The following FTO variants were observed in gnomAD, a reference collection of about 807,000 sequenced individuals.
The protein encoded by FTO is FTO alpha-ketoglutarate dependent dioxygenase, also known as alpha-ketoglutarate-dependent dioxygenase FTO.
A neutral mutation model predicts 63.9 loss-of-function variants in FTO; 47 were observed. The ratio of observed to expected loss-of-function variants is 0.74; its 90% confidence interval spans 0.58 to 0.94. The LOEUF (loss-of-function observed/expected upper bound fraction) is 0.94. Among genes scored for constraint, FTO ranks in the 40% least tolerant of loss-of-function variants. The pLI, the probability that FTO is intolerant of heterozygous loss-of-function variation, is 0.00. For synonymous variants in FTO, 207 were observed against 224.4 expected (o/e 0.92, Z 0.69); for missense variants, 562 against 618.1 (o/e 0.91, Z 0.96).
intron 4 of FTO, among the ~76,000 whole-genome samples, chr16:53,852,043 C>T (rs543823222): frequency 2.0e-4 from 29 of 145,498 alleles, no homozygotes; most frequent in Middle Eastern, 3.3e-3. Flanking sequence ...ATTGCTGGAG[C>T]CCGGAAGTTT....
chr16:54,080,852 AC>A (rs1187496846), intron 8 of FTO, among the ~76,000 whole-genome samples: 5 of 152,170 alleles, frequency 3.3e-5, no homozygotes, highest in Non-Finnish European at 5.9e-5. Flanking sequence ...GTATACTTTG[AC>A]TTATGCATTG....
In FTO at chr16:54,119,315, C is replaced by A. The variant is rs2086991467; in HGVS notation, c.*7400C>A. The A allele has an allele frequency of 6.6e-6, 1 of 152,172 alleles. No individual in the cohort carries two copies. The highest frequency in any genetic ancestry group is 1.5e-5 in the Non-Finnish European group (1 of 68,034). 9.4% of individuals were successfully genotyped at this position (152,172 alleles called of 1,614,324 possible). ...GGAATTCGGCTTTCCACGTTGGAAC[C>A]AGAACAGTTAACCTTCAAACCCCCA... is the stretch of plus-strand genomic sequence containing the variant. On this transcript the variant is annotated 3_prime_UTR_variant, in exon 9 of 9. Transcript: ENST00000471389.
At chr16:53,951,678 C>T (rs2082804313) in intron 8 of FTO, among the ~76,000 whole-genome samples, 1 of 152,104 alleles carries the variant, frequency 6.6e-6, no homozygotes, top group Admixed American at 6.5e-5. Flanking sequence ...TGTTACACTG[C>T]TATGCAATAT....
chr16:54,016,686 C>T (rs540327662), intron 8 of FTO, among the ~76,000 whole-genome samples: 123 of 152,274 alleles, frequency 8.1e-4, no homozygotes, highest in African/African-American at 2.6e-3. Flanking sequence ...TTGTGCCCAA[C>T]GAAGTGGGAA....
In FTO at chr16:53,807,933, AC is replaced by A. The variant is rs563117663; in HGVS notation, c.46-2205del. ...TACTGAAAAATAGATAAATCAATTA[AC>A]CAATAGTGAATTATCCAAACTGGTT... On this transcript the variant is annotated intron_variant, in intron 1 of 8. Transcript: ENST00000471389. 6.6e-3 allele frequency among the ~76,000 whole-genome samples: 1,008 copies of A among 152,338 alleles called. 2 individuals are homozygous for A. Among genetic ancestry groups the A allele is most frequent in the Non-Finnish European group, 0.01 (699 of 68,026 alleles).
intron 1 of FTO, among the ~76,000 whole-genome samples, chr16:53,718,876 T>C (rs2075960886): frequency 6.6e-6 from 1 of 152,184 alleles, no homozygotes; most frequent in African/African-American, 2.4e-5. Context: ...GAAAGTAAGA[T>C]GGGTCAGTAT....
chr16:53,897,580 G>A (rs887007559), intron 7 of FTO, among the ~76,000 whole-genome samples: 1 of 152,302 alleles, frequency 6.6e-6, no homozygotes, highest in South Asian at 2.1e-4. Context: ...GATGTTGGGG[G>A]ATTAAGAGGT....
intron 8 of FTO, among the ~76,000 whole-genome samples, chr16:54,102,030 G>C (rs1215300245): frequency 1.3e-5 from 2 of 152,032 alleles, no homozygotes; most frequent in African/African-American, 4.8e-5. Context: ...TGGTACATTT[G>C]TTTAAGTTCT....
intron 4 of FTO, among the ~76,000 whole-genome samples, chr16:53,844,539 C>T (rs543688538): frequency 5.9e-5 from 9 of 152,068 alleles, no homozygotes; most frequent in Non-Finnish European, 1.3e-4. Flanking sequence ...TGCTCATTGC[C>T]GTTTCCACCT....
chr16:53,826,744 G>A (rs12933168), intron 3 of FTO, among the ~76,000 whole-genome samples: 116,476 of 151,462 alleles, frequency 0.77, 44,824 homozygotes, highest in African/African-American at 0.82. Flanking sequence ...ATTTTCGCAC[G>A]TAAGCACTGC....
chr16:53,842,547 C>T (rs527530322), intron 3 of FTO, among the ~76,000 whole-genome samples: 1 of 152,216 alleles, frequency 6.6e-6, no homozygotes, highest in African/African-American at 2.4e-5. Context: ...CTTGAGTATC[C>T]TTCCAGAAAT....
chr16:54,089,998 A>G (rs2086344892), intron 8 of FTO, among the ~76,000 whole-genome samples: 1 of 152,146 alleles, frequency 6.6e-6, no homozygotes, highest in Non-Finnish European at 1.5e-5. Context: ...TTACACATAG[A>G]ATTACCATGT....
intron 4 of FTO, among the ~76,000 whole-genome samples, chr16:53,866,008 C>T (rs960763448): frequency 5.3e-5 from 8 of 152,090 alleles, no homozygotes; most frequent in African/African-American, 1.2e-4. Flanking sequence ...AGTTTCATAC[C>T]GCTAAGTATG....
intron 7 of FTO, among the ~76,000 whole-genome samples, chr16:53,909,999 T>TC (rs1361636651): frequency 1.3e-5 from 2 of 152,122 alleles, no homozygotes; most frequent in African/African-American, 2.4e-5. Context: ...TGCCTCAGCC[T>TC]CCCAAATAGC....
rs78792982 is a variant in FTO at position 53,746,971 on chromosome 16, G to A, written c.45+42742G>A. On this transcript the variant is annotated intron_variant, in intron 1 of 8. Coordinates refer to ENST00000471389, the MANE Select transcript of FTO (RefSeq NM_001080432.3). ...ATGCAGTATTTGTCCTTCTGTACCT[G>A]GCTTATTTCACTTAGCATAATGTTC... Among the ~76,000 whole-genome samples the A allele has an allele frequency of 2.5e-3, 380 of 152,174 alleles. 16 individuals carry two copies. In the East Asian group the frequency reaches 0.068, roughly 27 times the overall value.
Position 54,113,811 on chromosome 16 carries a change from C to CTTTTT in FTO, c.*1907_*1911dup, listed in dbSNP as rs532852190. 1 of 132,640 alleles carries CTTTTT rather than the reference C, an allele frequency of 7.5e-6. No individual in the cohort carries two copies. The highest frequency in any genetic ancestry group is 2.7e-5 in the African/African-American group (1 of 36,782). The allele number at this position is 132,640 out of a possible 1,614,324, so 8.2% of individuals were successfully genotyped here. On this transcript the variant is annotated 3_prime_UTR_variant, in exon 9 of 9. Transcript: ENST00000471389. ...AGGTCTGCATTTTCTTTTTTCTTTT[C>CTTTTT]TTTTTTTTTTTTTTTGAGACACAGT...
At chr16:53,774,779 C>T (rs1392741423) in intron 1 of FTO, among the ~76,000 whole-genome samples, 2 of 152,076 alleles carry the variant, frequency 1.3e-5, no homozygotes, top group African/African-American at 4.8e-5. Flanking sequence ...ATCTGTCACA[C>T]TCGGGAAGGG....
intron 1 of FTO, among the ~76,000 whole-genome samples, chr16:53,730,466 A>G (rs188991645): frequency 9.9e-5 from 15 of 151,780 alleles, no homozygotes; most frequent in Admixed American, 7.9e-4. Flanking sequence ...TAGCATTGTC[A>G]TGATTTTTTT....
chr16:53,797,316 C>T (rs895875657), intron 1 of FTO, among the ~76,000 whole-genome samples: 1 of 152,256 alleles, frequency 6.6e-6, no homozygotes, highest in African/African-American at 2.4e-5. Context: ...TTGCTTGGGA[C>T]AAATGTATAG....
Sources: allele counts gnomAD v4.1 joint callset (sites outside exome capture counted in the v4.1 genomes callset), GRCh38; gene constraint gnomAD v4.1.1; transcripts MANE v1.5; gene names NCBI Gene and HGNC (gene_info 2026-07-23, HGNC 2026-07-21).